The following DCBLD2 variants were observed in gnomAD, a reference collection of about 807,000 sequenced individuals.
DCBLD2 encodes the protein discoidin, CUB and LCCL domain containing 2.
In DCBLD2, 54 loss-of-function variants were observed where a neutral mutation model predicts 86.8. That is an observed-to-expected ratio of 0.62 (90% CI 0.50 to 0.78). The LOEUF (loss-of-function observed/expected upper bound fraction) is 0.78. Among genes scored for constraint, DCBLD2 ranks in the 30% least tolerant of loss-of-function variants. The pLI is 0.00. For synonymous variants in DCBLD2, 354 were observed against 341.3 expected (o/e 1.04, Z -0.41); for missense variants, 908 against 954.2 (o/e 0.95, Z 0.64).
intron 2 of DCBLD2, among the ~76,000 whole-genome samples, chr3:98,857,796 G>A (rs1210489046): frequency 2.6e-5 from 4 of 152,234 alleles, no homozygotes; most frequent in Non-Finnish European, 4.4e-5. Flanking sequence ...GCTGATTGGT[G>A]TCTTTACAAA....
At chr3:98,854,085 G>C (rs1243030972) in intron 2 of DCBLD2, among the ~76,000 whole-genome samples, 3 of 152,094 alleles carry the variant, frequency 2.0e-5, no homozygotes, top group African/African-American at 4.8e-5. Context: ...TGAATATCCA[G>C]GCACTAAGCC....
At chr3:98,888,194 T>C (rs980294628) in intron 1 of DCBLD2, among the ~76,000 whole-genome samples, 1 of 151,988 alleles carries the variant, frequency 6.6e-6, no homozygotes, top group African/African-American at 2.4e-5. Flanking sequence ...CTGCATAAGA[T>C]GCACATGCAT....
At chr3:98,838,974 G>A (rs546100151) in intron 3 of DCBLD2, among the ~76,000 whole-genome samples, 259 of 151,288 alleles carry the variant, frequency 1.7e-3, no homozygotes, top group Admixed American at 6.4e-3. Context: ...GCAGTGAGCC[G>A]AGATGGCAGC....
chr3:98,875,121 T>C (rs1024284407), intron 2 of DCBLD2, among the ~76,000 whole-genome samples: 5 of 152,082 alleles, frequency 3.3e-5, no homozygotes, highest in African/African-American at 4.8e-5. Flanking sequence ...AAAAAGGAAG[T>C]AGAACTATCT....
rs186664206 is a variant in DCBLD2, at chr3:98,851,237, T to G, written c.434-1639A>C. Among the ~76,000 whole-genome samples, 349 of 152,314 alleles carry G rather than the reference T, an allele frequency of 2.3e-3. 1 individual carries two copies. Among genetic ancestry groups the G allele is most frequent in the South Asian group, 0.012 (59 of 4,824 alleles). ...AAATCTCCTTAAGCTGATAGACAAC[T>G]TCAGCAAAGTCTCAGGATACAAAAT... is the stretch of plus-strand genomic sequence containing the variant. On this transcript the variant is annotated intron_variant, in intron 2 of 15. Coordinates refer to ENST00000326840, the MANE Select transcript of DCBLD2 (RefSeq NM_080927.4).
chr3:98,812,682 A>G, intron 9 of DCBLD2, 200 bp from the exon 10 acceptor site: 1 of 467,528 alleles, frequency 2.1e-6, no homozygotes, highest in South Asian at 3.1e-5. Flanking sequence ...AAAGTTTATG[A>G]AACAAAAATA....
chr3:98,897,954 T>C (rs1241753675), intron 1 of DCBLD2, among the ~76,000 whole-genome samples: 3 of 152,032 alleles, frequency 2.0e-5, no homozygotes, highest in African/African-American at 7.2e-5. Context: ...CAACTTCCAA[T>C]AAATTTAATA....
intron 2 of DCBLD2, among the ~76,000 whole-genome samples, chr3:98,878,318 T>C (rs1326842274): frequency 6.6e-6 from 1 of 152,184 alleles, no homozygotes; most frequent in African/African-American, 2.4e-5. Flanking sequence ...GCATCTGTGG[T>C]ATTCTTGCCA....
intron 2 of DCBLD2, among the ~76,000 whole-genome samples, chr3:98,874,454 AC>A (rs1943333867): frequency 6.6e-6 from 1 of 152,190 alleles, no homozygotes; most frequent in Admixed American, 6.5e-5. Flanking sequence ...AATACACTAT[AC>A]CAATAGATTT....
intron 9 of DCBLD2, 85 bp downstream of exon 9, chr3:98,817,684 A>T: frequency 1.5e-6 from 2 of 1,362,784 alleles, no homozygotes; most frequent in Non-Finnish European, 2.0e-6. Flanking sequence ...AAACTTCTAC[A>T]TCTCTTTTAT....
rs372569963 is a variant in DCBLD2 at position 98,866,055 on chromosome 3, C to T, written c.433+15485G>A. ...GACATGAACTCATCATTTTTTATGG[C>T]TGCATAGTATTCCATGGTGTATATG... is the stretch of plus-strand genomic sequence containing the variant. On this transcript the variant is annotated intron_variant, in intron 2 of 15. Transcript: ENST00000326840. Among the ~76,000 whole-genome samples, 4 of 152,102 alleles carry T rather than the reference C, an allele frequency of 2.6e-5. No homozygotes were observed. In the South Asian group the frequency reaches 6.2e-4, roughly 24 times the overall value.
At chr3:98,805,712 C>T (rs966023307) in intron 13 of DCBLD2, among the ~76,000 whole-genome samples, 10 of 152,304 alleles carry the variant, frequency 6.6e-5, no homozygotes, top group East Asian at 1.9e-4. Context: ...GTGTCCTTAA[C>T]GCCAGGTGTG....
At chr3:98,893,564 C>T (rs567889355) in intron 1 of DCBLD2, among the ~76,000 whole-genome samples, 1 of 152,062 alleles carries the variant, frequency 6.6e-6, no homozygotes, top group Non-Finnish European at 1.5e-5. Context: ...TAACAAATAT[C>T]TGCTGTGTGC....
At position 98,797,025 on chromosome 3, in the gene DCBLD2, T is replaced by C. The variant is rs1443552414; in HGVS notation, c.*2347A>G. On this transcript the variant is annotated 3_prime_UTR_variant, in exon 16 of 16. Coordinates refer to ENST00000326840, the MANE Select transcript of DCBLD2 (RefSeq NM_080927.4). ...TCCAAAGCCGTATATGTATCAGACA[T>C]ATAAATGTAGTAAAAAAAAAAAAAA... The C allele has an allele frequency of 1.6e-5, 2 of 125,850 alleles. No homozygotes were observed. Among genetic ancestry groups the C allele is most frequent in the African/African-American group, 6.0e-5 (2 of 33,546 alleles). 7.8% of individuals were successfully genotyped at this position (125,850 alleles called of 1,614,324 possible). A position where few individuals can be genotyped will look rare whatever the true frequency, so the allele number is the denominator to read the frequency against.
intron 2 of DCBLD2, among the ~76,000 whole-genome samples, chr3:98,856,691 C>T (rs1942936283): frequency 6.6e-6 from 1 of 150,566 alleles, no homozygotes; most frequent in Non-Finnish European, 1.5e-5. Context: ...CAGAAATGGA[C>T]AAAAAAAGCA....
chr3:98,852,495 C>T (rs747750074), intron 2 of DCBLD2, among the ~76,000 whole-genome samples: 3 of 152,206 alleles, frequency 2.0e-5, no homozygotes, highest in Non-Finnish European at 2.9e-5. Context: ...GATCCACCCA[C>T]CTCGGCCTCC....
chr3:98,881,913 A>G, intron 1 of DCBLD2, 146 bp from the exon 2 acceptor site: 2 of 799,182 alleles, frequency 2.5e-6, no homozygotes, highest in South Asian at 3.9e-5. Flanking sequence ...TTAATGGACA[A>G]ATAATTGTAC....
At chr3:98,897,517 G>A (rs184494686) in intron 1 of DCBLD2, among the ~76,000 whole-genome samples, 7 of 152,192 alleles carry the variant, frequency 4.6e-5, no homozygotes, top group African/African-American at 1.7e-4. Context: ...ATGTTTATTT[G>A]CAGAGAGAAA....
intron 2 of DCBLD2, among the ~76,000 whole-genome samples, chr3:98,852,249 C>CT (rs35325243): frequency 8.8e-5 from 13 of 147,334 alleles, no homozygotes; most frequent in African/African-American, 3.2e-4. Flanking sequence ...TAGGATATTT[C>CT]TTTTTTTTTT....
Sources: gnomAD v4.1 joint callset for allele counts (sites outside exome capture counted in the v4.1 genomes callset) on GRCh38, gnomAD v4.1.1 for gene constraint, MANE v1.5 for transcripts, NCBI Gene and HGNC (gene_info 2026-07-23, HGNC 2026-07-21) for gene names.